Variants in MALRD1 observed in about 807,000 individuals in gnomAD.
MALRD1 encodes the protein MAM and LDL receptor class A domain containing 1.
A neutral mutation model predicts 242.1 loss-of-function variants in MALRD1; 247 were observed. The observed-to-expected ratio is 1.02, with a 90% CI of 0.92 to 1.13. The LOEUF (loss-of-function observed/expected upper bound fraction) is 1.13. Among genes scored for constraint, MALRD1 ranks in the 50% most tolerant of loss-of-function variants. MALRD1 has a pLI of 0.00. For synonymous variants in MALRD1, 995 were observed against 866.6 expected (o/e 1.15, Z -2.60); for missense variants, 2,989 against 2,533.1 (o/e 1.18, Z -3.86).
intron 38 of MALRD1, among the ~76,000 whole-genome samples, chr10:19,721,259 T>C (rs1375030471): frequency 1.3e-5 from 2 of 152,176 alleles, no homozygotes. Flanking sequence ...ATTGGATCTT[T>C]GGGAAAGGCT....
chr10:19,409,570 TATCA>T (rs1833185814), intron 28 of MALRD1, among the ~76,000 whole-genome samples: 1 of 152,158 alleles, frequency 6.6e-6, no homozygotes, highest in Non-Finnish European at 1.5e-5. Flanking sequence ...TGAAGAATAT[TATCA>T]ATCCTTGTGG....
chr10:19,728,823 G>C (rs751779187), intron 38 of MALRD1, among the ~76,000 whole-genome samples: 2 of 152,130 alleles, frequency 1.3e-5, no homozygotes, highest in Non-Finnish European at 2.9e-5. Context: ...CCCTGGCTCA[G>C]TTCATGCACT....
intron 21 of MALRD1, among the ~76,000 whole-genome samples, chr10:19,297,850 G>C (rs1841778089): frequency 6.6e-6 from 1 of 151,874 alleles, no homozygotes; most frequent in Admixed American, 6.6e-5. Flanking sequence ...AGGCATTATG[G>C]GAAAGGTAAT....
chr10:19,437,078 C>T, intron 28 of MALRD1, among the ~76,000 whole-genome samples: 1 of 91,912 alleles, frequency 1.1e-5, no homozygotes, highest in East Asian at 2.8e-4. Context: ...CAAATATTAG[C>T]AAAACGAGTG....
At chr10:19,395,077 G>A (rs773388352) in intron 28 of MALRD1, among the ~76,000 whole-genome samples, 5 of 152,112 alleles carry the variant, frequency 3.3e-5, no homozygotes, top group East Asian at 1.9e-4. Context: ...TTTCAGAATC[G>A]TTTCAGTATC....
chr10:19,306,368 ATATATACCG>A (rs1842201047), intron 21 of MALRD1, among the ~76,000 whole-genome samples: 1 of 135,532 alleles, frequency 7.4e-6, no homozygotes, highest in East Asian at 2.1e-4. Context: ...ATAGTGTCGT[ATATATACCG>A]TGTATAGTAT....
At chr10:19,699,289 A>AAGGAGGGAAAGGAGGGAAAGGAGGGAG in intron 38 of MALRD1, among the ~76,000 whole-genome samples, 1 of 145,206 alleles carries the variant, frequency 6.9e-6, no homozygotes, top group African/African-American at 2.8e-5. Context: ...AAAGGAGGGA[A>AAGGAGGGAAAGGAGGGAAAGGAGGGAG]AGGAGGGAAA....
At chr10:19,427,097 T>C (rs1176584382) in intron 28 of MALRD1, among the ~76,000 whole-genome samples, 3 of 152,338 alleles carry the variant, frequency 2.0e-5, no homozygotes, top group Admixed American at 2.0e-4. Flanking sequence ...TAGTTTTATA[T>C]TTTATATTCT....
chr10:19,632,297 C>T (rs1839938295), intron 36 of MALRD1, among the ~76,000 whole-genome samples: 1 of 152,138 alleles, frequency 6.6e-6, no homozygotes. Flanking sequence ...ATGTATTCCA[C>T]ATCCTCTGTC....
intron 26 of MALRD1, among the ~76,000 whole-genome samples, chr10:19,381,371 C>T (rs1046918330): frequency 4.0e-5 from 6 of 151,818 alleles, no homozygotes; most frequent in South Asian, 2.1e-4. Context: ...AATAAACATA[C>T]GTGTGCATGT....
intron 1 of MALRD1, among the ~76,000 whole-genome samples, chr10:19,064,318 T>G (rs984443143): frequency 2.6e-5 from 4 of 152,230 alleles, no homozygotes; most frequent in Non-Finnish European, 4.4e-5. Flanking sequence ...ACAGATTTTA[T>G]TACAGCGGAT....
chr10:19,127,853 G>A (rs1039649628), intron 7 of MALRD1, among the ~76,000 whole-genome samples: 1 of 152,154 alleles, frequency 6.6e-6, no homozygotes, highest in Middle Eastern at 3.4e-3. Flanking sequence ...ATTCTGGAAG[G>A]ATGAAGAGAA....
chr10:19,561,419 C>CTTTAACTATAATAGTAAATTA (rs1835956726), intron 32 of MALRD1, among the ~76,000 whole-genome samples: 1 of 152,186 alleles, frequency 6.6e-6, no homozygotes, highest in African/African-American at 2.4e-5. Flanking sequence ...AGAGAGGAAT[C>CTTTAACTATAATAGTAAATTA]TTGGCATCTT....
Position 19,146,310 on chromosome 10 carries a change from T to C in MALRD1, c.1524T>C (p.Phe508=). 1 of 1,231,666 alleles carries C rather than the reference T, an allele frequency of 8.1e-7. No homozygotes were observed. Among genetic ancestry groups the C allele is most frequent in the Non-Finnish European group, 1.0e-6 (1 of 987,908 alleles). The allele number at this position is 1,231,666 out of a possible 1,614,324, so 76.3% of individuals were successfully genotyped here. Residue 508 remains phenylalanine (F), a synonymous_variant, in exon 11 of 40, where the codon TTT becomes TTC. Coordinates refer to ENST00000454679, the MANE Select transcript of MALRD1 (RefSeq NM_001142308.3). ...GATTGAATAATGGAGAGCACCACTTTCCTGCAGCTGATCACACAGCAAACA... is the reference window on the plus strand; with the variant it reads ...GATTGAATAATGGAGAGCACCACTTCCCTGCAGCTGATCACACAGCAAACA... ...MKGLNNGEHH[F]PAADHTANIN...
chr10:19,236,487 G>A (rs957424221), intron 18 of MALRD1, among the ~76,000 whole-genome samples: 1 of 152,100 alleles, frequency 6.6e-6, no homozygotes. Flanking sequence ...GGCCTATTAG[G>A]TTCCAATACA....
chr10:19,470,798 A>G (rs10764028), intron 29 of MALRD1, among the ~76,000 whole-genome samples: 130,731 of 151,652 alleles, frequency 0.86, 56,508 homozygotes, highest in East Asian at 1. Context: ...TTTCTGTTGT[A>G]TGAGCTACTT....
rs78476360 is a variant in MALRD1 at position 19,252,860 on chromosome 10, T to C, written c.2992-4824T>C. Reference sequence around the variant, plus strand: ...CAGGCCAAATCTGAGTTTTATTTCATAGAGATTGGTTTCAGGGTTGTGTAA... The same window carrying C: ...CAGGCCAAATCTGAGTTTTATTTCACAGAGATTGGTTTCAGGGTTGTGTAA... On this transcript the variant is annotated intron_variant, in intron 18 of 39. Coordinates refer to ENST00000454679, the MANE Select transcript of MALRD1 (RefSeq NM_001142308.3). Among the ~76,000 whole-genome samples the C allele has an allele frequency of 6.9e-4, 105 of 152,142 alleles. No homozygotes were observed. The East Asian group carries it at 0.015, about 22-fold the overall frequency.
intron 36 of MALRD1, among the ~76,000 whole-genome samples, chr10:19,636,843 G>A (rs1397564981): frequency 6.7e-6 from 1 of 149,394 alleles, no homozygotes; most frequent in Non-Finnish European, 1.5e-5. Flanking sequence ...AAGTTGCAGT[G>A]AGCCAAGACT....
At position 19,498,417 on chromosome 10, in the gene MALRD1, C is replaced by A. The variant is rs1397840130; in HGVS notation, c.5159-68C>A. 5 of 1,366,640 alleles carry A rather than the reference C, an allele frequency of 3.7e-6. No individual in the cohort carries two copies. The Admixed American group carries it at 7.5e-5, about 20-fold the overall frequency. The allele number at this position is 1,366,640 out of a possible 1,614,324, so 84.7% of individuals were successfully genotyped here. On this transcript the variant is annotated intron_variant, in intron 30 of 39. Coordinates refer to ENST00000454679, the MANE Select transcript of MALRD1 (RefSeq NM_001142308.3). ...TGCAGATACTAATTTTAAATGATCC[C>A]AAATATAGGGTAGTAGCAAATGTGA...
Sources: gnomAD v4.1 joint callset for allele counts (sites outside exome capture counted in the v4.1 genomes callset) on GRCh38, gnomAD v4.1.1 for gene constraint, MANE v1.5 for transcripts, NCBI Gene and HGNC (gene_info 2026-07-23, HGNC 2026-07-21) for gene names.